The following PSME4 variants were observed in gnomAD, a reference collection of about 807,000 sequenced individuals.
PSME4 encodes proteasome activator subunit 4.
Under a neutral mutation model 253.9 loss-of-function variants are expected in PSME4, and 89 were observed. That is an observed-to-expected ratio of 0.35 (90% CI 0.30 to 0.42). The LOEUF (loss-of-function observed/expected upper bound fraction) is 0.42, where lower values mean the gene tolerates loss of function less well. Ranked by LOEUF, PSME4 falls within the 10% of genes least tolerant of loss-of-function variation. PSME4 has a pLI of 1.00. For missense variants in PSME4, 2,014 were observed against 2,195.2 expected (o/e 0.92, Z 1.65); for synonymous variants, 851 against 759.2 (o/e 1.12, Z -1.99).
chr2:53,881,721 A>C (rs1381930652), intron 41 of PSME4, among the ~76,000 whole-genome samples: 1 of 151,712 alleles, frequency 6.6e-6, no homozygotes, highest in African/African-American at 2.4e-5. Flanking sequence ...GGTAGCTGGG[A>C]CTACAGTATC....
chr2:53,870,921 C>G (rs1195321624), intron 43 of PSME4: 1 of 152,084 alleles, frequency 6.6e-6, no homozygotes, highest in Non-Finnish European at 1.5e-5. Context: ...CAGGCGTAAG[C>G]CTCTGTGCCC....
rs60203960 is a variant in PSME4 at position 53,873,238 on chromosome 2, C to CAAAAAAAAA, written c.5100+1092_5100+1100dup. ...CCTGGGTAACAGCGAGACTCCGTCT[C>CAAAAAAAAA]AAAAAAAAAGAAAAAAAAAAACAGT... On this transcript the variant is annotated intron_variant, in intron 43 of 46. Transcript: ENST00000404125. Among the ~76,000 whole-genome samples the CAAAAAAAAA allele has an allele frequency of 1.6e-4, 20 of 123,144 alleles. 1 individual carries two copies. Among genetic ancestry groups the CAAAAAAAAA allele is most frequent in the South Asian group, 2.5e-4 (1 of 4,030 alleles). The allele number at this position is 123,144 out of a possible 152,430, so 80.8% of individuals were successfully genotyped here.
intron 1 of PSME4, among the ~76,000 whole-genome samples, chr2:53,957,099 C>T (rs1487691269): frequency 6.6e-6 from 1 of 152,138 alleles, no homozygotes; most frequent in Non-Finnish European, 1.5e-5. Context: ...AACAATTAAG[C>T]TTTACCCTGC....
intron 32 of PSME4, 142 bp from the exon 33 acceptor site, chr2:53,895,878 G>A (rs1462351561): frequency 1.5e-6 from 1 of 677,992 alleles, no homozygotes; most frequent in Non-Finnish European, 2.3e-6. Context: ...ATATATATGA[G>A]CAATTGGAGG....
At chr2:53,951,602 G>T (rs2104478850) in intron 1 of PSME4, among the ~76,000 whole-genome samples, 1 of 152,220 alleles carries the variant, frequency 6.6e-6, no homozygotes, top group Admixed American at 6.5e-5. Flanking sequence ...ATCTTGTTTT[G>T]GTTCTGCCAG....
chr2:53,887,398 GA>G lies in PSME4; in HGVS notation c.4589del (p.Val1530AlafsTer12). ...CCAGAATTCGAGCAGTAAACTCAGGGACATGAGGCGATATGGTTGGTGTGGT... is the reference window on the plus strand; with the variant it reads ...CCAGAATTCGAGCAGTAAACTCAGGGCATGAGGCGATATGGTTGGTGTGGT... ...PNTTPTISPH[V>X]PEFTARILEK... On this transcript the variant is annotated frameshift_variant, in exon 40 of 47. Coordinates refer to ENST00000404125, the MANE Select transcript of PSME4 (RefSeq NM_014614.3). LOFTEE classifies it high-confidence loss of function. 6.2e-7 allele frequency: 1 copy of G among 1,613,896 alleles called. No individual in the cohort carries two copies. The highest frequency in any genetic ancestry group is 8.5e-7 in the Non-Finnish European group (1 of 1,179,828).
At chr2:53,945,305 T>A (rs890438565) in intron 3 of PSME4, among the ~76,000 whole-genome samples, 1 of 152,222 alleles carries the variant, frequency 6.6e-6, no homozygotes, top group African/African-American at 2.4e-5. Flanking sequence ...AAAAGCTTCA[T>A]TTATAAAGTA....
At chr2:53,868,624 TC>T (rs1678722877) in intron 44 of PSME4, among the ~76,000 whole-genome samples, 1 of 140,830 alleles carries the variant, frequency 7.1e-6, no homozygotes, top group Non-Finnish European at 1.5e-5. Context: ...CATATATATA[TC>T]CCAAAAAGCA....
chr2:53,923,474 A>C (rs1214342333), intron 14 of PSME4, 55 bp from the exon 15 acceptor site: 11 of 1,496,164 alleles, frequency 7.4e-6, no homozygotes, highest in Admixed American at 2.6e-5. Context: ...TAAACATCTT[A>C]CAGAACATAA....
rs774261247 is a variant in PSME4 at position 53,970,662 on chromosome 2, C to T, written c.123G>A (p.Ala41=). The change falls in exon 1 of 47, where the codon GCG becomes GCA. Residue 41 remains alanine (A), a synonymous_variant. Transcript: ENST00000404125. ...EIVYNKLLPY[A]ERLDAESDLQ... ...AGTCGGACTCGGCGTCTAGCCGCTC[C>T]GCGTAGGGCAGCAGCTTGTTGTAGA... 1.3e-6 allele frequency: 2 copies of T among 1,550,166 alleles called. No individual in the cohort carries two copies. Among genetic ancestry groups the T allele is most frequent in the Non-Finnish European group, 1.7e-6 (2 of 1,146,910 alleles).
chr2:53,955,174 A>G (rs1670175289), intron 1 of PSME4, among the ~76,000 whole-genome samples: 2 of 152,188 alleles, frequency 1.3e-5, no homozygotes, highest in African/African-American at 4.8e-5. Context: ...CTGACTCTCC[A>G]AAAATAAAAA....
At chr2:53,931,023 A>G (rs1283518768) in intron 10 of PSME4, among the ~76,000 whole-genome samples, 1 of 152,224 alleles carries the variant, frequency 6.6e-6, no homozygotes, top group African/African-American at 2.4e-5. Flanking sequence ...CACACCTGCA[A>G]TCCCAGCACT....
At chr2:53,952,085 CA>C (rs67514612) in intron 1 of PSME4, among the ~76,000 whole-genome samples, 19,993 of 152,156 alleles carry the variant, frequency 0.13, 2,335 homozygotes, top group African/African-American at 0.32. Context: ...AAGATAAAGA[CA>C]GAAGACATCA....
intron 37 of PSME4, among the ~76,000 whole-genome samples, chr2:53,889,023 G>A (rs1465013000): frequency 2.0e-5 from 3 of 151,984 alleles, no homozygotes; most frequent in Non-Finnish European, 4.4e-5. Flanking sequence ...GCGCCACTAT[G>A]CCTGGCTAAT....
chr2:53,898,394 A>G (rs755466313), intron 29 of PSME4, 40 bp from the exon 30 acceptor site: 1 of 1,380,290 alleles, frequency 7.2e-7, no homozygotes, highest in South Asian at 1.3e-5. Context: ...CTATAATACT[A>G]AAATGAACAT....
Position 53,970,875 on chromosome 2 carries a change from G to T in PSME4, c.-91C>A. On this transcript the variant is annotated 5_prime_UTR_variant, in exon 1 of 47. Transcript: ENST00000404125. ...GCTCCGCCTCCTCCGCGTCTTCGTC[G>T]CCCTGCGGCCGCTGGCGGCCCGTCG... is the stretch of plus-strand genomic sequence containing the variant. 2.6e-6 allele frequency: 3 copies of T among 1,165,482 alleles called. No individual in the cohort carries two copies. The highest frequency in any genetic ancestry group is 1.7e-5 in the South Asian group (1 of 57,950). The allele number at this position is 1,165,482 out of a possible 1,614,324, so 72.2% of individuals were successfully genotyped here.
intron 1 of PSME4, among the ~76,000 whole-genome samples, chr2:53,959,467 G>A (rs750231128): frequency 1.3e-5 from 2 of 152,146 alleles, no homozygotes; most frequent in Non-Finnish European, 2.9e-5. Context: ...TGAGATCTCT[G>A]AACGACCCCC....
At chr2:53,915,237 T>C (rs930877771) in intron 20 of PSME4, among the ~76,000 whole-genome samples, 4 of 151,950 alleles carry the variant, frequency 2.6e-5, no homozygotes, top group African/African-American at 9.7e-5. Context: ...GCTCGGGAAA[T>C]TGAGACCAGC....
At chr2:53,963,608 G>C (rs1038808534) in intron 1 of PSME4, among the ~76,000 whole-genome samples, 1 of 152,134 alleles carries the variant, frequency 6.6e-6, no homozygotes, top group Non-Finnish European at 1.5e-5. Context: ...AAGGTAAAAG[G>C]CAGAAATGAA....
Sources: gnomAD v4.1 joint callset for allele counts (sites outside exome capture counted in the v4.1 genomes callset) on GRCh38, gnomAD v4.1.1 for gene constraint, MANE v1.5 for transcripts, NCBI Gene and HGNC (gene_info 2026-07-23, HGNC 2026-07-21) for gene names.